Variants in LRCH2 observed in about 807,000 individuals in gnomAD.
LRCH2 encodes the protein leucine rich repeats and calponin homology domain containing 2.
LRCH2 carries 38 observed loss-of-function variants against 68.9 expected under a neutral mutation model. The ratio of observed to expected loss-of-function variants is 0.55; its 90% CI spans 0.43 to 0.72. The LOEUF (loss-of-function observed/expected upper bound fraction) is 0.72. Among genes scored for constraint, LRCH2 ranks in the 30% least tolerant of loss-of-function variants. The probability of loss-of-function intolerance (pLI) is 0.00; values close to 1 mark genes in which losing one functional copy is unlikely to be tolerated. For synonymous variants in LRCH2, 191 were observed against 208.1 expected, an observed-to-expected ratio of 0.92 and a Z score of 0.71; for missense variants, 528 against 572.9, an observed-to-expected ratio of 0.92 and a Z score of 0.80.
chrX:115,146,481 A>G (rs1227401155), intron 14 of LRCH2, among the ~76,000 whole-genome samples: 3 of 111,166 alleles, frequency 2.7e-5, no homozygotes, highest in South Asian at 7.5e-4. Context: ...CCCATTCCCC[A>G]TAATGTGATT....
chrX:115,165,318 A>ATT (rs782114681), intron 10 of LRCH2, 87 bp downstream of exon 10: 1 of 663,403 alleles, frequency 1.5e-6, no homozygotes, highest in South Asian at 3.4e-5. Context: ...AAAAAATTAT[A>ATT]TTTTTTTCAA....
intron 20 of LRCH2, among the ~76,000 whole-genome samples, chrX:115,120,843 A>T (rs1274696923): frequency 9.3e-6 from 1 of 107,573 alleles, no homozygotes; most frequent in Non-Finnish European, 1.9e-5. Context: ...ATGCAGCCAT[A>T]AAAAATGATG....
In LRCH2 at chrX:115,233,971, C is replaced by G. The variant is rs1230077764; in HGVS notation, c.71G>C (p.Gly24Ala). Residue 24 changes from glycine to alanine, a missense_variant, in exon 1 of 21, where the codon GGC (glycine) becomes GCC (alanine). By Grantham distance (60) the Gly-to-Ala change is moderately conservative. Coordinates refer to ENST00000317135, the MANE Select transcript of LRCH2 (RefSeq NM_020871.4). ...GGCGGGGSSG[G>A]CGTAGGGGGG... is the part of the protein sequence containing the mutation. ...ACCTCCCCCTCCAGCCGTGCCACAG[C>G]CACCGCTACTTCCACCTCCACCACA... 8.6e-7 allele frequency: 1 copy of G among 1,162,276 alleles called. No individual in the cohort carries two copies. The highest frequency in any genetic ancestry group is 1.1e-6 in the Non-Finnish European group (1 of 871,126).
chrX:115,158,731 G>A (rs1370608366), intron 11 of LRCH2, among the ~76,000 whole-genome samples: 5 of 111,887 alleles, frequency 4.5e-5, no homozygotes, highest in African/African-American at 9.7e-5. Context: ...ATACTACAGC[G>A]TAAGTTAGCA....
chrX:115,229,932 G>A (rs1447684765), intron 1 of LRCH2, among the ~76,000 whole-genome samples: 1 of 111,974 alleles, frequency 8.9e-6, no homozygotes, highest in Non-Finnish European at 1.9e-5. Context: ...AGAATCTGAT[G>A]TAAGAATTCC....
intron 10 of LRCH2, among the ~76,000 whole-genome samples, chrX:115,164,079 A>G (rs1440747651): frequency 9.0e-6 from 1 of 111,684 alleles, no homozygotes; most frequent in African/African-American, 3.2e-5. Flanking sequence ...CTAAAAATGT[A>G]TATTCTCCAG....
At position 115,165,483 on chromosome X, in the gene LRCH2, C is replaced by T. The variant is rs201310504; in HGVS notation, c.1297-20G>A. On this transcript the variant is annotated intron_variant, in intron 9 of 20. Transcript: ENST00000317135. The stretch of plus-strand genomic sequence containing the variant: ...TTTTCCCTTATATAAAAGAAAGTTA[C>T]ATTTTAAATTGTATAGTCCACTTTT... 49 of 1,095,882 alleles carry T rather than the reference C, an allele frequency of 4.5e-5. No homozygotes were observed. In the Admixed American group the frequency reaches 1.4e-3, roughly 31 times the overall value. 90.3% of individuals were successfully genotyped at this position (1,095,882 alleles called of 1,213,427 possible).
At chrX:115,229,152 A>T (rs1045067716) in intron 1 of LRCH2, among the ~76,000 whole-genome samples, 26 of 111,981 alleles carry the variant, frequency 2.3e-4, no homozygotes, top group Non-Finnish European at 4.7e-4. Flanking sequence ...CAAAAAGTAT[A>T]TAACCTACGA....
In LRCH2 at chrX:115,126,843, C is replaced by G; in HGVS notation, c.1791G>C (p.Glu597Asp). 1 of 1,093,971 alleles carries G rather than the reference C, an allele frequency of 9.1e-7. No individual in the cohort carries two copies. The highest frequency in any genetic ancestry group is 1.2e-6 in the Non-Finnish European group (1 of 837,580). The allele number at this position is 1,093,971 out of a possible 1,213,427, so 90.2% of individuals were successfully genotyped here. A position where few individuals can be genotyped will look rare whatever the true frequency, so the allele number is the denominator to read the frequency against. Residue 597 changes from glutamate to aspartate, a missense_variant and splice_region_variant, in exon 16 of 21, where the codon GAG (glutamate) becomes GAC (aspartate). Coordinates refer to ENST00000317135, the MANE Select transcript of LRCH2 (RefSeq NM_020871.4). Reference sequence around the variant, plus strand: ...AGACAAATAAAAACAGAACTTGTACCTCAGATGATACTGGAGATTGTGTTG... The same window carrying G: ...AGACAAATAAAAACAGAACTTGTACGTCAGATGATACTGGAGATTGTGTTG... ...NMSTQSPVSS[E>D]EYDRTDGFSH...
At chrX:115,156,509 T>C (rs1603045820) in intron 12 of LRCH2, 93 bp downstream of exon 12, 2 of 477,161 alleles carry the variant, frequency 4.2e-6, no homozygotes, top group East Asian at 9.0e-5. Flanking sequence ...CTGTATCACT[T>C]ATTTAATTAA....
At chrX:115,141,843 C>A (rs1456003391) in intron 14 of LRCH2, among the ~76,000 whole-genome samples, 13 of 100,849 alleles carry the variant, frequency 1.3e-4, no homozygotes, top group Non-Finnish European at 2.0e-5. Flanking sequence ...CATTTCACTC[C>A]AGCCTGGGTG....
At chrX:115,120,080 T>G (rs1377315718) in intron 20 of LRCH2, among the ~76,000 whole-genome samples, 1 of 104,023 alleles carries the variant, frequency 9.6e-6, no homozygotes, top group Non-Finnish European at 2.0e-5. Flanking sequence ...GAAGAAAACC[T>G]AGGCATTACC....
intron 12 of LRCH2, among the ~76,000 whole-genome samples, chrX:115,153,756 A>T (rs782209030): frequency 2.7e-5 from 3 of 111,235 alleles, no homozygotes; most frequent in African/African-American, 6.5e-5. Flanking sequence ...CCCTAAAAAA[A>T]CCATTAACAT....
intron 1 of LRCH2, among the ~76,000 whole-genome samples, chrX:115,221,938 GAAAAAAA>G (rs75651669): frequency 1.2e-5 from 1 of 85,836 alleles, no homozygotes; most frequent in African/African-American, 4.3e-5. Flanking sequence ...ATATTAACAG[GAAAAAAA>G]AAAAAAAAGA....
At chrX:115,126,134 T>C (rs1208220065) in intron 16 of LRCH2, among the ~76,000 whole-genome samples, 2 of 111,985 alleles carry the variant, frequency 1.8e-5, no homozygotes, top group Non-Finnish European at 3.8e-5. Flanking sequence ...TACTTACTAA[T>C]GCCAATACAC....
chrX:115,160,606 A>G (rs1556541222), intron 11 of LRCH2, among the ~76,000 whole-genome samples: 2 of 111,958 alleles, frequency 1.8e-5, no homozygotes, highest in Non-Finnish European at 3.8e-5. Context: ...ATTTTTAATC[A>G]AGACTAAAAA....
At chrX:115,144,601 G>T (rs2072366775) in intron 14 of LRCH2, among the ~76,000 whole-genome samples, 1 of 108,229 alleles carries the variant, frequency 9.2e-6, no homozygotes, top group African/African-American at 3.4e-5. Context: ...ATTCTGTAAA[G>T]TTGCAGGATA....
intron 1 of LRCH2, among the ~76,000 whole-genome samples, chrX:115,199,621 C>T (rs2072915984): frequency 1.8e-5 from 2 of 111,950 alleles, no homozygotes; most frequent in Admixed American, 1.9e-4. Context: ...AATGTATATG[C>T]ACCCAACACT....
chrX:115,117,531 G>A (rs891693271), intron 20 of LRCH2, among the ~76,000 whole-genome samples: 1 of 111,223 alleles, frequency 9.0e-6, no homozygotes, highest in Non-Finnish European at 1.9e-5. Context: ...CGCTAAAACT[G>A]GAAACAACCC....
Sources: gnomAD v4.1 joint callset for allele counts (sites outside exome capture counted in the v4.1 genomes callset) on GRCh38, gnomAD v4.1.1 for gene constraint, MANE v1.5 for transcripts, NCBI Gene and HGNC (gene_info 2026-07-23, HGNC 2026-07-21) for gene names.